Variants in SIN3B observed in about 807,000 individuals in gnomAD.
SIN3B encodes paired amphipathic helix protein Sin3b.
Under a neutral mutation model 120.2 loss-of-function variants are expected in SIN3B, and 19 were observed. The ratio of observed to expected loss-of-function variants is 0.16; its 90% CI spans 0.11 to 0.23. SIN3B has a LOEUF of 0.23. Ranked by LOEUF, SIN3B falls within the 10% of genes least tolerant of loss-of-function variation. The pLI, the probability that SIN3B is intolerant of heterozygous loss-of-function variation, is 1.00. For synonymous variants in SIN3B, 654 were observed against 653.2 expected (o/e 1.00, Z -0.02); for missense variants, 1,073 against 1,573.0 (o/e 0.68, Z 5.38).
rs1053297603 is a variant in SIN3B at position 16,853,085 on chromosome 19, G to A, written c.866G>A (p.Arg289His). ...SAPAKKKMKL[R>H]GTKDLSIAAV... ...TCCCCACAGAAAAAAATGAAACTTCGTGGTACCAAAGACCTGTCCATCGCT... is the reference window on the plus strand; with the variant it reads ...TCCCCACAGAAAAAAATGAAACTTCATGGTACCAAAGACCTGTCCATCGCT... The change falls in exon 7 of 19, where the codon CGT (arginine) becomes CAT (histidine). Residue 289 changes from arginine (R) to histidine (H), a missense_variant. Coordinates refer to ENST00000248054, the MANE Select transcript of SIN3B (RefSeq NM_001297595.2). 1.6e-5 allele frequency: 26 copies of A among 1,614,008 alleles called. No homozygotes were observed. The highest frequency in any genetic ancestry group is 2.7e-5 in the African/African-American group (2 of 74,930).
In SIN3B at chr19:16,865,373, C is replaced by G. The variant is rs768497236; in HGVS notation, c.1384-37C>G. 10 of 1,443,306 alleles carry G rather than the reference C, an allele frequency of 6.9e-6. No homozygotes were observed. The South Asian group carries it at 1.2e-4, about 17-fold the overall frequency. The allele number at this position is 1,443,306 out of a possible 1,614,324, so 89.4% of individuals were successfully genotyped here. A position where few individuals can be genotyped will look rare whatever the true frequency, so the allele number is the denominator to read the frequency against. On this transcript the variant is annotated intron_variant, in intron 10 of 18. Coordinates refer to ENST00000248054, the MANE Select transcript of SIN3B (RefSeq NM_001297595.2). ...CTCCTCTCTGAGGCCTCTTGAGTTC[C>G]CCAGTGGCTGACCCCGTCCTGCCTT...
intron 16 of SIN3B, 43 bp from the exon 17 acceptor site, chr19:16,877,502 C>T (rs1378325252): frequency 2.1e-6 from 3 of 1,447,206 alleles, no homozygotes; most frequent in Non-Finnish European, 2.9e-6. Context: ...GGCCATAGCC[C>T]TGCTGTAGGG....
At chr19:16,858,115 G>T (rs1971640681) in intron 8 of SIN3B, among the ~76,000 whole-genome samples, 1 of 152,132 alleles carries the variant, frequency 6.6e-6, no homozygotes, top group African/African-American at 2.4e-5. Context: ...GGCCTCAAGT[G>T]ATCCGCCTGC....
chr19:16,858,897 CAA>C (rs1362993812), intron 8 of SIN3B, among the ~76,000 whole-genome samples: 6 of 152,076 alleles, frequency 3.9e-5, no homozygotes, highest in Non-Finnish European at 8.8e-5. Flanking sequence ...TTGCAATGAG[CAA>C]AGATTGTACC....
At chr19:16,858,676 C>T (rs1971648040) in intron 8 of SIN3B, among the ~76,000 whole-genome samples, 1 of 152,110 alleles carries the variant, frequency 6.6e-6, no homozygotes, top group Non-Finnish European at 1.5e-5. Context: ...AAGGCCGGGC[C>T]TGGTGGCTCA....
chr19:16,871,706 C>T (rs2051514052), intron 14 of SIN3B: 1 of 308,668 alleles, frequency 3.2e-6, no homozygotes. Context: ...CCCCTGACAT[C>T]CAGTCAACTG....
intron 13 of SIN3B, among the ~76,000 whole-genome samples, 181 bp from the exon 14 acceptor site, chr19:16,871,048 G>T (rs2051503627): frequency 1.3e-5 from 2 of 152,238 alleles, no homozygotes; most frequent in Non-Finnish European, 2.9e-5. Flanking sequence ...AGCCTCGGAG[G>T]GTGGCAGTGA....
intron 9 of SIN3B, chr19:16,863,463 G>C: frequency 1.8e-6 from 1 of 568,806 alleles, no homozygotes; most frequent in South Asian, 2.3e-5. Flanking sequence ...CTTCAGGGGT[G>C]GTTCTGGAAC....
chr19:16,843,098 A>T (rs1372833957), intron 4 of SIN3B, among the ~76,000 whole-genome samples: 1 of 151,302 alleles, frequency 6.6e-6, no homozygotes, highest in Non-Finnish European at 1.5e-5. Context: ...AGCAGAACCC[A>T]TTTTTTTTCT....
At chr19:16,847,149 C>G in intron 5 of SIN3B, 36 bp downstream of exon 5, 1 of 1,591,850 alleles carries the variant, frequency 6.3e-7, no homozygotes. Context: ...CCTCGGGGGC[C>G]TCAGCGAGGA....
At chr19:16,877,986 G>A (rs2051632879) in intron 17 of SIN3B, among the ~76,000 whole-genome samples, 197 bp from the exon 18 acceptor site, 1 of 152,130 alleles carries the variant, frequency 6.6e-6, no homozygotes, top group Non-Finnish European at 1.5e-5. Context: ...GGCTAGGATG[G>A]CACCTATGGG....
intron 3 of SIN3B, among the ~76,000 whole-genome samples, chr19:16,836,319 G>A (rs542742940): frequency 6.9e-4 from 105 of 152,256 alleles, no homozygotes; most frequent in African/African-American, 2.4e-3. Flanking sequence ...CACAGGCCGT[G>A]GTGTGTGGCC....
rs566265555 is a variant in SIN3B, at chr19:16,871,176, C to T, written c.2423-53C>T. 1.8e-4 allele frequency: 287 copies of T among 1,609,378 alleles called. No individual in the cohort carries two copies. In the African/African-American group the frequency reaches 3.4e-3, roughly 19 times the overall value. On this transcript the variant is annotated intron_variant, in intron 13 of 18. Transcript: ENST00000248054. ...CTCTGTCATGCCAGAGTTTGGCCTGCGTGACTTTGCGCTCTCCAGGAGGCA... is the reference window on the plus strand; with the variant it reads ...CTCTGTCATGCCAGAGTTTGGCCTGTGTGACTTTGCGCTCTCCAGGAGGCA...
rs1394043720 is a variant in SIN3B at position 16,869,795 on chromosome 19, G to A, written c.2142G>A (p.Gly714=). ...GPHSSPPEEK[G]AFGDAPATEQ... is the part of the protein sequence containing the mutation. ...ACAGTAGCCCCCCAGAGGAGAAGGGGGCCTTCGGGGATGCCCCGGCCACTG... is the reference window on the plus strand; with the variant it reads ...ACAGTAGCCCCCCAGAGGAGAAGGGAGCCTTCGGGGATGCCCCGGCCACTG... Residue 714 remains glycine, a synonymous_variant, in exon 13 of 19, where the codon GGG becomes GGA. Transcript: ENST00000248054. 1.2e-6 allele frequency: 2 copies of A among 1,613,536 alleles called. No individual in the cohort carries two copies. Among genetic ancestry groups the A allele is most frequent in the Admixed American group, 1.7e-5 (1 of 59,992 alleles).
chr19:16,869,925 A>G lies in SIN3B; in HGVS notation c.2272A>G (p.Thr758Ala). 6 of 1,614,206 alleles carry G rather than the reference A, an allele frequency of 3.7e-6. No individual in the cohort carries two copies. The highest frequency in any genetic ancestry group is 5.1e-6 in the Non-Finnish European group (6 of 1,180,032). ...NWYFFLRLHQ[T>A]LCSRLLKIYR... ...GTACTTCTTCCTGCGCCTGCACCAG[A>G]CCCTGTGCTCCAGGCTGCTGAAGAT... The change falls in exon 13 of 19, where the codon ACC (threonine) becomes GCC (alanine). Residue 758 changes from threonine to alanine, a missense_variant. Transcript: ENST00000248054.
chr19:16,830,462 T>C (rs1040012584), intron 2 of SIN3B, among the ~76,000 whole-genome samples: 9 of 152,150 alleles, frequency 5.9e-5, no homozygotes, highest in Non-Finnish European at 1.0e-4. Flanking sequence ...AGATTACAGA[T>C]AGATGGGAAA....
intron 3 of SIN3B, among the ~76,000 whole-genome samples, chr19:16,837,991 A>G (rs534839493): frequency 6.6e-6 from 1 of 152,096 alleles, no homozygotes; most frequent in Non-Finnish European, 1.5e-5. Context: ...GATGGTTGTC[A>G]TGGTGTGGGA....
chr19:16,878,596 C>T lies in SIN3B; in HGVS notation c.3262C>T (p.Gln1088Ter). Residue 1088 changes from glutamine (Q) to a stop codon, truncating the protein, a stop_gained, in exon 19 of 19, where the codon CAG (glutamine) becomes TAG (stop). Transcript: ENST00000248054. LOFTEE classifies it high-confidence loss of function. ...GACGGTGGAGGCGGCTAGCCTGGTG[C>T]AGGACTGGCTGATGGGTGAGGAGGA... ...NVTVEAASLV[Q>*]DWLMGEEDED... 6.2e-7 allele frequency: 1 copy of T among 1,612,274 alleles called. No individual in the cohort carries two copies. Among genetic ancestry groups the T allele is most frequent in the Non-Finnish European group, 8.5e-7 (1 of 1,179,298 alleles).
At position 16,863,688 on chromosome 19, in the gene SIN3B, C is replaced by T. The variant is rs746545500; in HGVS notation, c.1275C>T (p.Asn425=). The T allele has an allele frequency of 2.6e-5, 42 of 1,612,048 alleles. No individual in the cohort carries two copies. The highest frequency in any genetic ancestry group is 3.2e-5 in the Non-Finnish European group (38 of 1,178,190). The change falls in exon 10 of 19, where the codon AAC becomes AAT. Residue 425 remains asparagine, a synonymous_variant. Transcript: ENST00000248054. ...GRTAICKEVL[N]DTWVSFPSWS... The stretch of plus-strand genomic sequence containing the variant: ...ATTTCCTCTTGGTGCAGGTACTGAA[C>T]GACACCTGGGTCTCCTTCCCTTCCT...
Sources: gnomAD v4.1 joint callset for allele counts (sites outside exome capture counted in the v4.1 genomes callset) on GRCh38, gnomAD v4.1.1 for gene constraint, MANE v1.5 for transcripts, NCBI Gene and HGNC (gene_info 2026-07-23, HGNC 2026-07-21) for gene names.